SH3GL3: variants seen among roughly 807,000 people sequenced by gnomAD.
SH3GL3 encodes endophilin-A3.
SH3GL3 carries 33 observed loss-of-function variants against 47.7 expected under a neutral mutation model. The ratio of observed to expected loss-of-function variants is 0.69; its 90% CI spans 0.52 to 0.92. The LOEUF (loss-of-function observed/expected upper bound fraction) is 0.92. Among genes scored for constraint, SH3GL3 ranks in the 40% least tolerant of loss-of-function variants. The pLI is 0.00. For synonymous variants in SH3GL3, 155 were observed against 148.8 expected (o/e 1.04, Z -0.30); for missense variants, 363 against 417.8 (o/e 0.87, Z 1.14).
chr15:83,545,844 G>A (rs2044367038), intron 1 of SH3GL3, among the ~76,000 whole-genome samples: 1 of 152,168 alleles, frequency 6.6e-6, no homozygotes, highest in Non-Finnish European at 1.5e-5. Flanking sequence ...ACCAGGCAGA[G>A]TCTCTTGTTC....
intron 6 of SH3GL3, among the ~76,000 whole-genome samples, chr15:83,581,009 TG>T (rs1440379602): frequency 1.3e-5 from 2 of 152,254 alleles, no homozygotes; most frequent in African/African-American, 4.8e-5. Context: ...TTGTGCTACC[TG>T]TCCATCTCTG....
At position 83,497,107 on chromosome 15, in the gene SH3GL3, A is replaced by G. The variant is rs149468435; in HGVS notation, c.45+49529A>G. Among the ~76,000 whole-genome samples, 6 of 152,174 alleles carry G rather than the reference A, an allele frequency of 3.9e-5. No individual in the cohort carries two copies. In the East Asian group the frequency reaches 1.2e-3, roughly 29 times the overall value. ...AGGAACTGCTGGAGAAAATCTTGTAATTGTGCTGGTGTTACATATTTATGG... is the reference window on the plus strand; with the variant it reads ...AGGAACTGCTGGAGAAAATCTTGTAGTTGTGCTGGTGTTACATATTTATGG... On this transcript the variant is annotated intron_variant, in intron 1 of 8. Coordinates refer to ENST00000427482, the MANE Select transcript of SH3GL3 (RefSeq NM_003027.5).
In SH3GL3 at chr15:83,618,460, C is replaced by G. The variant is rs927939605; in HGVS notation, c.*173C>G. On this transcript the variant is annotated 3_prime_UTR_variant, in exon 9 of 9. Coordinates refer to ENST00000427482, the MANE Select transcript of SH3GL3 (RefSeq NM_003027.5). ...CACTTTAATTTGTATAAATGATTTT[C>G]TTGTCCTTGCTACATGAAAATATTT... 8.9e-6 allele frequency: 5 copies of G among 559,304 alleles called. No homozygotes were observed. Among genetic ancestry groups the G allele is most frequent in the Non-Finnish European group, 1.6e-5 (5 of 320,002 alleles). The allele number at this position is 559,304 out of a possible 1,614,324, so 34.6% of individuals were successfully genotyped here.
intron 1 of SH3GL3, among the ~76,000 whole-genome samples, chr15:83,458,377 C>T (rs1186188494): frequency 6.6e-6 from 1 of 152,206 alleles, no homozygotes; most frequent in African/African-American, 2.4e-5. Flanking sequence ...CAGCCAGTGG[C>T]CTTCCTGAGC....
chr15:83,451,074 C>T lies in SH3GL3; in HGVS notation c.45+3496C>T, dbSNP rs527913232. Among the ~76,000 whole-genome samples, 408 of 103,014 alleles carry T rather than the reference C, an allele frequency of 4.0e-3. 2 individuals carry two copies. The highest frequency in any genetic ancestry group is 8.6e-3 in the Middle Eastern group (2 of 232). The allele number at this position is 103,014 out of a possible 152,430, so 67.6% of individuals were successfully genotyped here. Reference sequence around the variant, plus strand: ...TGCGGTGTTTGGTTTTTTGTTCTTGCGATAGTTTACTGAGAATGATGATTT... The same window carrying T: ...TGCGGTGTTTGGTTTTTTGTTCTTGTGATAGTTTACTGAGAATGATGATTT... On this transcript the variant is annotated intron_variant, in intron 1 of 8. Transcript: ENST00000427482.
At chr15:83,614,611 C>T (rs2060764059) in intron 8 of SH3GL3, among the ~76,000 whole-genome samples, 1 of 152,176 alleles carries the variant, frequency 6.6e-6, no homozygotes, top group African/African-American at 2.4e-5. Context: ...ACAAAAAATA[C>T]TGATGCCGGG....
chr15:83,502,787 G>A (rs2042347764), intron 1 of SH3GL3, among the ~76,000 whole-genome samples: 1 of 152,162 alleles, frequency 6.6e-6, no homozygotes, highest in Non-Finnish European at 1.5e-5. Context: ...GGGGGCTCAA[G>A]GTTTTCTCAT....
downstream of SH3GL3, among the ~76,000 whole-genome samples, chr15:83,621,050 A>G (rs1049752411): frequency 2.0e-5 from 3 of 152,030 alleles, no homozygotes; most frequent in Non-Finnish European, 4.4e-5. Flanking sequence ...CAGCTTTCTC[A>G]CCTCTCTCAA....
At chr15:83,555,876 T>C (rs2151734031) in intron 1 of SH3GL3, among the ~76,000 whole-genome samples, 1 of 152,368 alleles carries the variant, frequency 6.6e-6, no homozygotes, top group South Asian at 2.1e-4. Context: ...ATGTTGTGTT[T>C]CTGTTCATTT....
At chr15:83,469,747 A>G (rs1457706781) in intron 1 of SH3GL3, among the ~76,000 whole-genome samples, 1 of 152,172 alleles carries the variant, frequency 6.6e-6, no homozygotes, top group African/African-American at 2.4e-5. Context: ...CTATCTTGGT[A>G]TATGTTCTGT....
At chr15:83,619,959 T>C (rs1238247276), downstream of SH3GL3, among the ~76,000 whole-genome samples, 2 of 152,378 alleles carry the variant, frequency 1.3e-5, no homozygotes, top group East Asian at 3.9e-4. Context: ...ATCAAGTTTA[T>C]GTAATATTCT....
chr15:83,610,980 A>AAAAAT (rs71453206), intron 8 of SH3GL3, among the ~76,000 whole-genome samples: 41 of 147,016 alleles, frequency 2.8e-4, no homozygotes, highest in Non-Finnish European at 3.4e-4. Flanking sequence ...TCAGCCAAAA[A>AAAAAT]ATATATATAT....
In SH3GL3 at chr15:83,618,212, T is replaced by A. The variant is rs2060879986; in HGVS notation, c.969T>A (p.Tyr323Ter). The A allele has an allele frequency of 6.2e-7, 1 of 1,611,074 alleles. No individual in the cohort carries two copies. The highest frequency in any genetic ancestry group is 1.7e-5 in the Admixed American group (1 of 60,000). The change falls in exon 9 of 9, where the codon TAT becomes TAA. Residue 323 changes from tyrosine (Y) to a stop codon, truncating the protein, a stop_gained. Coordinates refer to ENST00000427482, the MANE Select transcript of SH3GL3 (RefSeq NM_003027.5). LOFTEE classifies it high-confidence loss of function. Reference sequence around the variant, plus strand: ...CCAATCAAATAGATGAAAACTGGTATGAAGGAATGATACACGGAGAATCGG... The same window carrying A: ...CCAATCAAATAGATGAAAACTGGTAAGAAGGAATGATACACGGAGAATCGG... ...TLTNQIDENWYEGMIHGESGF... is the reference protein window; with the variant it reads ...TLTNQIDENW
At chr15:83,567,802 A>G (rs1408808890) in intron 3 of SH3GL3, among the ~76,000 whole-genome samples, 1 of 152,086 alleles carries the variant, frequency 6.6e-6, no homozygotes, top group Non-Finnish European at 1.5e-5. Flanking sequence ...TTACATTTAA[A>G]CAAACAAACA....
Position 83,600,602 on chromosome 15 carries a change from A to G in SH3GL3, c.838+11831A>G, listed in dbSNP as rs933761262. Among the ~76,000 whole-genome samples, 21 of 152,098 alleles carry G rather than the reference A, an allele frequency of 1.4e-4. 1 individual carries two copies. The highest frequency in any genetic ancestry group is 9.8e-4 in the Admixed American group (15 of 15,278). The stretch of plus-strand genomic sequence containing the variant: ...GTTTTGGTGACTGTGGCCTTATAGT[A>G]TAGTTTGAAATCAGGTAATGTGATG... On this transcript the variant is annotated intron_variant, in intron 8 of 8. Coordinates refer to ENST00000427482, the MANE Select transcript of SH3GL3 (RefSeq NM_003027.5).
chr15:83,503,130 T>G (rs2042359626), intron 1 of SH3GL3, among the ~76,000 whole-genome samples: 1 of 152,166 alleles, frequency 6.6e-6, no homozygotes, highest in Non-Finnish European at 1.5e-5. Context: ...CATACATCAC[T>G]TATGTTCATT....
At chr15:83,467,849 A>G (rs964710503) in intron 1 of SH3GL3, among the ~76,000 whole-genome samples, 2 of 151,814 alleles carry the variant, frequency 1.3e-5, no homozygotes, top group African/African-American at 4.8e-5. Flanking sequence ...TTTTTTTGAG[A>G]CGGAGTCTCT....
At chr15:83,502,097 T>G (rs2042320693) in intron 1 of SH3GL3, among the ~76,000 whole-genome samples, 1 of 152,248 alleles carries the variant, frequency 6.6e-6, no homozygotes, top group Non-Finnish European at 1.5e-5. Flanking sequence ...AGTTTCAAGT[T>G]CTTAGAAGAA....
At chr15:83,470,130 C>G (rs1341792668) in intron 1 of SH3GL3, among the ~76,000 whole-genome samples, 1 of 152,110 alleles carries the variant, frequency 6.6e-6, no homozygotes, top group Non-Finnish European at 1.5e-5. Context: ...GTCCTACTTT[C>G]TTTTTCTTTT....
Sources: allele counts gnomAD v4.1 joint callset (sites outside exome capture counted in the v4.1 genomes callset), GRCh38; gene constraint gnomAD v4.1.1; transcripts MANE v1.5; gene names NCBI Gene and HGNC (gene_info 2026-07-23, HGNC 2026-07-21).